Variants in SEPTIN9 observed in about 807,000 individuals in gnomAD.
SEPTIN9 encodes septin 9, also known as septin-9.
Under a neutral mutation model 56.6 loss-of-function variants are expected in SEPTIN9, and 13 were observed. That is an observed-to-expected ratio of 0.23 (90% CI 0.15 to 0.37). The LOEUF (loss-of-function observed/expected upper bound fraction) is 0.37, where lower values mean the gene tolerates loss of function less well. Ranked by LOEUF, SEPTIN9 falls within the 10% of genes least tolerant of loss-of-function variation. The pLI is 1.00. For synonymous variants in SEPTIN9, 332 were observed against 334.1 expected, an observed-to-expected ratio of 0.99 and a Z score of 0.07; for missense variants, 650 against 823.1, an observed-to-expected ratio of 0.79 and a Z score of 2.57.
At position 77,317,498 on chromosome 17, in the gene SEPTIN9, G is replaced by A. The variant is rs2032753924; in HGVS notation, c.76+10301G>A. 6.6e-6 allele frequency among the ~76,000 whole-genome samples: 1 copy of A among 152,194 alleles called. No individual in the cohort carries two copies. Among genetic ancestry groups the A allele is most frequent in the African/African-American group, 2.4e-5 (1 of 41,442 alleles). ...ACCGTATTGTGAACGGCACATGTGA[G>A]GGATCTAGGTTGCGTGCTTCTTATG... is the stretch of plus-strand genomic sequence containing the variant. On this transcript the variant is annotated intron_variant, in intron 2 of 11. Coordinates refer to ENST00000427177, the MANE Select transcript of SEPTIN9 (RefSeq NM_001113491.2). The surrounding 1 kb of genome is among the most constrained non-coding windows in gnomAD (Gnocchi z 4.2).
chr17:77,458,934 A>C (rs1037336853), intron 3 of SEPTIN9, among the ~76,000 whole-genome samples: 1 of 152,018 alleles, frequency 6.6e-6, no homozygotes, highest in Non-Finnish European at 1.5e-5. Flanking sequence ...GCAACGGGAG[A>C]GATGGGAGTG....
At chr17:77,352,125 C>T (rs1005007503) in intron 2 of SEPTIN9, among the ~76,000 whole-genome samples, 2 of 152,038 alleles carry the variant, frequency 1.3e-5, no homozygotes, top group African/African-American at 4.8e-5. Flanking sequence ...CGGCCACGTG[C>T]GGTGGCTCAT....
At chr17:77,426,254 T>G (rs1326696962) in intron 3 of SEPTIN9, among the ~76,000 whole-genome samples, 1 of 151,988 alleles carries the variant, frequency 6.6e-6, no homozygotes, top group African/African-American at 2.4e-5. Context: ...CCCCTGTGGT[T>G]TGCCCGACAG....
rs60699169 is a variant in SEPTIN9, at chr17:77,379,852, C to G, written c.77-22207C>G. On this transcript the variant is annotated intron_variant, in intron 2 of 11. Coordinates refer to ENST00000427177, the MANE Select transcript of SEPTIN9 (RefSeq NM_001113491.2). ...CAGAAACCCAGCCAAAAACCAAGTT[C>G]CTGTGCTCTCCCTTGACAAAGCCAC... 5.8e-3 allele frequency among the ~76,000 whole-genome samples: 890 copies of G among 152,212 alleles called. 12 individuals carry two copies. Among genetic ancestry groups the G allele is most frequent in the African/African-American group, 0.02 (850 of 41,514 alleles).
At chr17:77,304,748 G>A (rs752557480) in intron 1 of SEPTIN9, among the ~76,000 whole-genome samples, 2 of 152,184 alleles carry the variant, frequency 1.3e-5, no homozygotes, top group African/African-American at 4.8e-5. Context: ...TCTCAGCCCC[G>A]GACAGCAGAA....
chr17:77,434,717 T>C lies in SEPTIN9; in HGVS notation c.721+32014T>C, dbSNP rs939318493. On this transcript the variant is annotated intron_variant, in intron 3 of 11. Coordinates refer to ENST00000427177, the MANE Select transcript of SEPTIN9 (RefSeq NM_001113491.2). The surrounding 1 kb of genome is among the most constrained non-coding windows in gnomAD (Gnocchi z 5.0). ...CTCTTGCACGTGAAGCAAAGGCCTG[T>C]TTGAAGGAGCGTGTGGAAGCCTGGG... 6.6e-5 allele frequency among the ~76,000 whole-genome samples: 10 copies of C among 152,102 alleles called. No individual in the cohort carries two copies. The highest frequency in any genetic ancestry group is 2.2e-4 in the African/African-American group (9 of 41,414).
Position 77,450,681 on chromosome 17 carries a change from A to T in SEPTIN9, c.722-31463A>T, listed in dbSNP as rs1282033683. 8.1e-6 allele frequency: 8 copies of T among 985,702 alleles called. No individual in the cohort carries two copies. The African/African-American group carries it at 1.4e-4, about 17-fold the overall frequency. 61.1% of individuals were successfully genotyped at this position (985,702 alleles called of 1,614,324 possible). On this transcript the variant is annotated intron_variant, in intron 3 of 11. Transcript: ENST00000427177. The surrounding 1 kb of genome is among the most constrained non-coding windows in gnomAD (Gnocchi z 6.0). The stretch of plus-strand genomic sequence containing the variant: ...ATCCCAGGCCTGCAGGGAGGGGGAG[A>T]GGAAGAGACTGACTCACTGGCCAGG...
At chr17:77,373,244 C>A in intron 2 of SEPTIN9, 1 of 1,119,838 alleles carries the variant, frequency 8.9e-7, no homozygotes, top group Non-Finnish European at 1.1e-6. Context: ...ACAGGGAGGC[C>A]GGTGCGGGTG....
chr17:77,300,239 AGGCGTGCACCACCACT>A (rs1396536376), intron 1 of SEPTIN9, among the ~76,000 whole-genome samples: 1 of 152,140 alleles, frequency 6.6e-6, no homozygotes, highest in Non-Finnish European at 1.5e-5. Flanking sequence ...CTGAGATTAC[AGGCGTGCACCACCACT>A]GAGAACAATG....
At chr17:77,471,313 G>C (rs312816) in intron 3 of SEPTIN9, among the ~76,000 whole-genome samples, 19,466 of 152,204 alleles carry the variant, frequency 0.13, 3,263 homozygotes, top group African/African-American at 0.38. Context: ...GCCCCCTGCT[G>C]TCTCTGAAGG....
Position 77,450,494 on chromosome 17 carries a change from A to C in SEPTIN9, c.722-31650A>C, listed in dbSNP as rs890421396. The C allele has an allele frequency of 1.0e-6, 1 of 985,356 alleles. No individual in the cohort carries two copies. Among genetic ancestry groups the C allele is most frequent in the East Asian group, 1.1e-4 (1 of 8,798 alleles). The allele number at this position is 985,356 out of a possible 1,614,324, so 61.0% of individuals were successfully genotyped here. On this transcript the variant is annotated intron_variant, in intron 3 of 11. Transcript: ENST00000427177. The surrounding 1 kb of genome is among the most constrained non-coding windows in gnomAD (Gnocchi z 6.0). The stretch of plus-strand genomic sequence containing the variant: ...AGCCCACTCCCAGGCGCTCTCTCCT[A>C]GTGTGGGAGTGGCCACGCCCCTGCT...
chr17:77,499,317 G>T lies in SEPTIN9; in HGVS notation c.*659G>T, dbSNP rs1283827500. On this transcript the variant is annotated 3_prime_UTR_variant, in exon 12 of 12. Coordinates refer to ENST00000427177, the MANE Select transcript of SEPTIN9 (RefSeq NM_001113491.2). ...ATCTCAGCCATCCGCAGACTGCTTG[G>T]CCAGATGCGGGGACAGGCTGGAATG... The T allele has an allele frequency of 1.7e-6, 1 of 596,542 alleles. No individual in the cohort carries two copies. Among genetic ancestry groups the T allele is most frequent in the South Asian group, 1.4e-5 (1 of 71,432 alleles). The allele number at this position is 596,542 out of a possible 1,614,324, so 37.0% of individuals were successfully genotyped here.
At chr17:77,370,650 A>G (rs2034692483) in intron 2 of SEPTIN9, among the ~76,000 whole-genome samples, 1 of 152,182 alleles carries the variant, frequency 6.6e-6, no homozygotes, top group Admixed American at 6.5e-5. Flanking sequence ...TGCTGGATGC[A>G]CAGGCCTTTA....
At chr17:77,381,312 C>A (rs544466124) in intron 2 of SEPTIN9, among the ~76,000 whole-genome samples, 3 of 152,318 alleles carry the variant, frequency 2.0e-5, no homozygotes, top group African/African-American at 7.2e-5. Context: ...CCAGGCAGGG[C>A]CCTGAAAGAT....
chr17:77,497,968 A>G (rs2040344011), intron 11 of SEPTIN9, among the ~76,000 whole-genome samples: 1 of 152,120 alleles, frequency 6.6e-6, no homozygotes. Context: ...CCGTTCTGCC[A>G]TTGTGGGGAT....
chr17:77,314,138 C>T (rs1007426732), intron 2 of SEPTIN9, among the ~76,000 whole-genome samples: 68 of 151,808 alleles, frequency 4.5e-4, no homozygotes, highest in African/African-American at 1.6e-3. Flanking sequence ...CACTGTCCTC[C>T]AGCCTGGGCA....
intron 1 of SEPTIN9, among the ~76,000 whole-genome samples, chr17:77,303,744 G>C (rs1392345295): frequency 6.6e-6 from 1 of 151,846 alleles, no homozygotes; most frequent in Non-Finnish European, 1.5e-5. Flanking sequence ...TTTGTGCCAG[G>C]CACTGTGCTA....
intron 2 of SEPTIN9, among the ~76,000 whole-genome samples, chr17:77,309,930 C>T (rs1273609670): frequency 6.6e-6 from 1 of 152,038 alleles, no homozygotes; most frequent in African/African-American, 2.4e-5. Context: ...GATCTGGCCC[C>T]GGGCAGGCAC....
In SEPTIN9 at chr17:77,436,399, A is replaced by G. The variant is rs1215210153; in HGVS notation, c.721+33696A>G. On this transcript the variant is annotated intron_variant, in intron 3 of 11. Transcript: ENST00000427177. This position sits in a 1 kb window ranked among gnomAD's most constrained non-coding sequence, Gnocchi z 4.4. ...AGAGAGGGTTTCCAATAAGCAGAGG[A>G]TGGAGTGAATGTGAGATTCATTACT... Among the ~76,000 whole-genome samples, 5 of 151,392 alleles carry G rather than the reference A, an allele frequency of 3.3e-5. No individual in the cohort carries two copies. Among genetic ancestry groups the G allele is most frequent in the African/African-American group, 1.2e-4 (5 of 41,258 alleles).
Sources: allele counts gnomAD v4.1 joint callset (sites outside exome capture counted in the v4.1 genomes callset), GRCh38; gene constraint gnomAD v4.1.1; non-coding constraint Gnocchi (gnomAD v3.1); transcripts MANE v1.5; gene names NCBI Gene and HGNC (gene_info 2026-07-23, HGNC 2026-07-21).